GABRB1: variants seen among roughly 807,000 people sequenced by gnomAD.
GABRB1 encodes the protein gamma-aminobutyric acid type A receptor subunit beta1.
A neutral mutation model predicts 51.6 loss-of-function variants in GABRB1; 17 were observed. The ratio of observed to expected loss-of-function variants is 0.33; its 90% CI spans 0.23 to 0.49. GABRB1 has a LOEUF of 0.49. Among genes scored for constraint, GABRB1 ranks in the 20% least tolerant of loss-of-function variants. GABRB1 has a pLI of 0.99. For missense variants in GABRB1, 410 were observed against 600.6 expected, an observed-to-expected ratio of 0.68 and a Z score of 3.32; for synonymous variants, 247 against 218.9, an observed-to-expected ratio of 1.13 and a Z score of -1.14.
At chr4:47,258,266 T>C (rs1389742513) in intron 4 of GABRB1, among the ~76,000 whole-genome samples, 1 of 152,138 alleles carries the variant, frequency 6.6e-6, no homozygotes, top group African/African-American at 2.4e-5. Flanking sequence ...GATTAGAATT[T>C]TTAATCAGAG....
intron 5 of GABRB1, among the ~76,000 whole-genome samples, chr4:47,324,601 C>T (rs967519416): frequency 3.9e-5 from 6 of 152,196 alleles, no homozygotes; most frequent in Admixed American, 6.5e-5. Context: ...ACCCACCTCC[C>T]GCCTCTGCTA....
At chr4:47,176,720 AT>A (rs1474075875) in intron 4 of GABRB1, among the ~76,000 whole-genome samples, 1 of 152,126 alleles carries the variant, frequency 6.6e-6, no homozygotes, top group East Asian at 1.9e-4. Flanking sequence ...GTATTTCAAC[AT>A]TTAGAGTTAG....
intron 1 of GABRB1, among the ~76,000 whole-genome samples, chr4:47,007,805 C>T (rs1404748146): frequency 6.8e-6 from 1 of 147,552 alleles, no homozygotes; most frequent in Admixed American, 7.0e-5. Context: ...GTAAGCCTTA[C>T]TTAGGACATT....
chr4:47,340,014 C>G (rs192310375), intron 5 of GABRB1, among the ~76,000 whole-genome samples: 1 of 152,158 alleles, frequency 6.6e-6, no homozygotes, highest in Non-Finnish European at 1.5e-5. Flanking sequence ...TTAGTTGAAA[C>G]TTAACATTCC....
chr4:47,096,853 T>A (rs959137797), intron 3 of GABRB1, among the ~76,000 whole-genome samples: 1 of 152,084 alleles, frequency 6.6e-6, no homozygotes, highest in African/African-American at 2.4e-5. Flanking sequence ...AGACAGATTC[T>A]CCCCTAGAGC....
intron 8 of GABRB1, among the ~76,000 whole-genome samples, chr4:47,413,308 C>A (rs1485929368): frequency 1.3e-5 from 2 of 152,094 alleles, no homozygotes; most frequent in Non-Finnish European, 2.9e-5. Context: ...ACAGCATTAC[C>A]ATCTCATGCA....
intron 1 of GABRB1, among the ~76,000 whole-genome samples, chr4:47,021,858 G>T (rs1724938273): frequency 6.6e-6 from 1 of 152,002 alleles, no homozygotes; most frequent in African/African-American, 2.4e-5. Context: ...CCAGAGCTTA[G>T]ATATGTTAGG....
At chr4:47,283,125 A>T (rs1723353146) in intron 4 of GABRB1, among the ~76,000 whole-genome samples, 1 of 152,138 alleles carries the variant, frequency 6.6e-6, no homozygotes. Flanking sequence ...ACATGTTTAG[A>T]GGCAAAAGTG....
Position 47,032,446 on chromosome 4 carries a change from G to T in GABRB1, c.202G>T (p.Asp68Tyr). ...GPPVDVGMRI[D>Y]VASIDMVSEV... ...CCCCGTCGACGTTGGGATGCGGATC[G>T]ATGTCGCCAGCATAGACATGGTCTC... The change falls in exon 3 of 9, where the codon GAT becomes TAT. Residue 68 changes from aspartate to tyrosine, a missense_variant. By Grantham distance (160) the Asp-to-Tyr change is radical. Coordinates refer to ENST00000295454, the MANE Select transcript of GABRB1 (RefSeq NM_000812.4). 1 of 1,602,950 alleles carries T rather than the reference G, an allele frequency of 6.2e-7. No individual in the cohort carries two copies. Among genetic ancestry groups the T allele is most frequent in the Non-Finnish European group, 8.5e-7 (1 of 1,172,844 alleles).
At chr4:47,298,765 G>A (rs565538619) in intron 4 of GABRB1, among the ~76,000 whole-genome samples, 1 of 152,120 alleles carries the variant, frequency 6.6e-6, no homozygotes, top group Non-Finnish European at 1.5e-5. Flanking sequence ...AAACAAAAAA[G>A]AACCTGCATT....
chr4:47,235,175 C>T (rs1376231381), intron 4 of GABRB1, among the ~76,000 whole-genome samples: 1 of 152,172 alleles, frequency 6.6e-6, no homozygotes, highest in African/African-American at 2.4e-5. Context: ...ATCCACCCTT[C>T]AGAGTCATTA....
At chr4:47,259,726 C>T (rs2109875686) in intron 4 of GABRB1, among the ~76,000 whole-genome samples, 1 of 152,266 alleles carries the variant, frequency 6.6e-6, no homozygotes, top group South Asian at 2.1e-4. Context: ...GGTTTTAATA[C>T]TATAAACTTC....
intron 4 of GABRB1, among the ~76,000 whole-genome samples, chr4:47,168,991 C>T (rs1718324470): frequency 6.6e-6 from 1 of 151,982 alleles, no homozygotes; most frequent in African/African-American, 2.4e-5. Context: ...CCAGCCATCA[C>T]CAGTCATATT....
At chr4:47,048,569 A>G (rs1003153429) in intron 3 of GABRB1, among the ~76,000 whole-genome samples, 2 of 152,200 alleles carry the variant, frequency 1.3e-5, no homozygotes, top group African/African-American at 2.4e-5. Context: ...AGACCAGGAA[A>G]AAAGATAACC....
chr4:47,227,919 C>T (rs937863595), intron 4 of GABRB1, among the ~76,000 whole-genome samples: 1 of 152,158 alleles, frequency 6.6e-6, no homozygotes, highest in African/African-American at 2.4e-5. Context: ...ATGTCCTAAT[C>T]TCCTTCTCTT....
intron 4 of GABRB1, among the ~76,000 whole-genome samples, chr4:47,191,021 C>T (rs532997320): frequency 2.0e-5 from 3 of 152,048 alleles, no homozygotes; most frequent in Non-Finnish European, 2.9e-5. Context: ...CAGGTCTTTT[C>T]GGGTCATTAA....
intron 5 of GABRB1, among the ~76,000 whole-genome samples, chr4:47,398,427 G>A (rs1173321117): frequency 6.6e-6 from 1 of 152,154 alleles, no homozygotes; most frequent in Non-Finnish European, 1.5e-5. Context: ...TATGAACAAT[G>A]GTAGTAGACA....
chr4:47,281,383 A>G (rs57024414), intron 4 of GABRB1, among the ~76,000 whole-genome samples: 10,676 of 152,326 alleles, frequency 0.07, 504 homozygotes, highest in Non-Finnish European at 0.11. Flanking sequence ...GTTATAAAAA[A>G]GACAAATGAT....
At chr4:47,306,701 A>C (rs1175169389) in intron 4 of GABRB1, among the ~76,000 whole-genome samples, 1 of 152,138 alleles carries the variant, frequency 6.6e-6, no homozygotes, top group Non-Finnish European at 1.5e-5. Context: ...CATTCTTATA[A>C]AATTTTAAAT....
Sources: gnomAD v4.1 joint callset for allele counts (sites outside exome capture counted in the v4.1 genomes callset) on GRCh38, gnomAD v4.1.1 for gene constraint, MANE v1.5 for transcripts, NCBI Gene and HGNC (gene_info 2026-07-23, HGNC 2026-07-21) for gene names.